The following TENT2 variants were observed in gnomAD, a reference collection of about 807,000 sequenced individuals.
The protein encoded by TENT2 is poly(A) RNA polymerase GLD2.
Under a neutral mutation model 72.2 loss-of-function variants are expected in TENT2, and 44 were observed. That is an observed-to-expected ratio of 0.61 (90% CI 0.48 to 0.78). The LOEUF (loss-of-function observed/expected upper bound fraction) is 0.78. Ranked by LOEUF, TENT2 falls within the 30% of genes least tolerant of loss-of-function variation. The probability of loss-of-function intolerance (pLI) is 0.00; values close to 1 mark genes in which losing one functional copy is unlikely to be tolerated. For synonymous variants in TENT2, 212 were observed against 192.5 expected (o/e 1.10, Z -0.84); for missense variants, 541 against 569.6 (o/e 0.95, Z 0.51).
At chr5:79,662,576 C>G (rs1235764777) in intron 11 of TENT2, among the ~76,000 whole-genome samples, 1 of 152,158 alleles carries the variant, frequency 6.6e-6, no homozygotes, top group Non-Finnish European at 1.5e-5. Flanking sequence ...TCTCTTTGTA[C>G]ATCTCCATCA....
intron 14 of TENT2, among the ~76,000 whole-genome samples, chr5:79,683,371 G>T (rs977424148): frequency 6.6e-6 from 1 of 151,844 alleles, no homozygotes; most frequent in Non-Finnish European, 1.5e-5. Context: ...ACCCCTGGGT[G>T]TAGTGGTATG....
intron 6 of TENT2, among the ~76,000 whole-genome samples, chr5:79,642,464 A>G (rs1314260174): frequency 6.6e-6 from 1 of 152,114 alleles, no homozygotes; most frequent in African/African-American, 2.4e-5. Context: ...CATAGATATG[A>G]AACTATCCTT....
At chr5:79,659,048 A>G (rs1800032379) in intron 11 of TENT2, among the ~76,000 whole-genome samples, 3 of 152,144 alleles carry the variant, frequency 2.0e-5, no homozygotes, top group Admixed American at 2.0e-4. Flanking sequence ...TTGCATTTAC[A>G]TATGGTTACA....
chr5:79,667,528 T>G (rs533653631), intron 11 of TENT2, among the ~76,000 whole-genome samples: 1 of 152,172 alleles, frequency 6.6e-6, no homozygotes, highest in Non-Finnish European at 1.5e-5. Context: ...TTAAAATTTC[T>G]ACTTGAATCT....
intron 4 of TENT2, among the ~76,000 whole-genome samples, chr5:79,633,760 G>A (rs1192955456): frequency 6.7e-6 from 1 of 150,302 alleles, no homozygotes; most frequent in Non-Finnish European, 1.5e-5. Context: ...TTACTCAAGG[G>A]CCCAGCTATC....
chr5:79,646,769 C>CTT (rs148646986), intron 8 of TENT2, among the ~76,000 whole-genome samples: 4 of 137,484 alleles, frequency 2.9e-5, no homozygotes, highest in Admixed American at 7.3e-5. Context: ...TGTTCCTAAG[C>CTT]TTTTTTTTTT....
intron 4 of TENT2, among the ~76,000 whole-genome samples, chr5:79,626,088 A>G (rs980584792): frequency 4.0e-5 from 6 of 151,834 alleles, no homozygotes; most frequent in Admixed American, 3.3e-4. Context: ...TGGCTTTTCA[A>G]AGTGCTGGGA....
chr5:79,633,426 TAA>T (rs900919939), intron 4 of TENT2, among the ~76,000 whole-genome samples: 27 of 140,038 alleles, frequency 1.9e-4, no homozygotes, highest in Non-Finnish European at 6.2e-5. Flanking sequence ...TATTTCCAGC[TAA>T]AAAGTTTTTT....
At chr5:79,662,906 G>A (rs1036563869) in intron 11 of TENT2, among the ~76,000 whole-genome samples, 4 of 152,128 alleles carry the variant, frequency 2.6e-5, no homozygotes, top group African/African-American at 4.8e-5. Flanking sequence ...TAGCATCTTC[G>A]AATAGAAGCC....
At chr5:79,651,953 C>T (rs1005909747) in intron 10 of TENT2, among the ~76,000 whole-genome samples, 1 of 152,034 alleles carries the variant, frequency 6.6e-6, no homozygotes, top group African/African-American at 2.4e-5. Flanking sequence ...TTCACTTGAA[C>T]ATGTATTACA....
intron 13 of TENT2, among the ~76,000 whole-genome samples, chr5:79,680,188 A>G (rs557359963): frequency 1.3e-4 from 20 of 152,220 alleles, no homozygotes; most frequent in Non-Finnish European, 2.5e-4. Flanking sequence ...ATTCTCATAG[A>G]TGCTAAATTG....
intron 4 of TENT2, among the ~76,000 whole-genome samples, chr5:79,632,809 T>C (rs1197636206): frequency 2.0e-5 from 3 of 152,182 alleles, no homozygotes; most frequent in African/African-American, 7.2e-5. Context: ...CACTGAGATA[T>C]AAATTTACAT....
chr5:79,629,654 C>T (rs1465417467), intron 4 of TENT2, among the ~76,000 whole-genome samples: 1 of 151,016 alleles, frequency 6.6e-6, no homozygotes, highest in Non-Finnish European at 1.5e-5. Flanking sequence ...CGTGAAACCC[C>T]GTCTTTACTA....
chr5:79,621,554 C>G (rs1764808003), intron 3 of TENT2, among the ~76,000 whole-genome samples: 1 of 151,806 alleles, frequency 6.6e-6, no homozygotes, highest in East Asian at 2.0e-4. Flanking sequence ...GTCAGGAGAT[C>G]GAGACCATCC....
chr5:79,678,844 C>G (rs1434822106), intron 12 of TENT2, among the ~76,000 whole-genome samples: 1 of 152,186 alleles, frequency 6.6e-6, no homozygotes, highest in Non-Finnish European at 1.5e-5. Flanking sequence ...CAGATTGTTA[C>G]TGCGTTGTTA....
At chr5:79,621,198 G>T (rs150141368) in intron 3 of TENT2, among the ~76,000 whole-genome samples, 3 of 151,880 alleles carry the variant, frequency 2.0e-5, no homozygotes, top group East Asian at 1.9e-4. Flanking sequence ...ATTAAATCAC[G>T]TAACACTGAG....
chr5:79,648,554 A>G, intron 8 of TENT2, 63 bp from the exon 9 acceptor site: 2 of 1,137,448 alleles, frequency 1.8e-6, no homozygotes, highest in East Asian at 5.2e-5. Flanking sequence ...TTTAGTTATT[A>G]GGAAGGAAGT....
intron 12 of TENT2, among the ~76,000 whole-genome samples, chr5:79,679,177 T>A (rs1423594764): frequency 6.6e-6 from 1 of 152,126 alleles, no homozygotes; most frequent in African/African-American, 2.4e-5. Flanking sequence ...GTGCTGAGAT[T>A]ACAGGAGTGA....
intron 11 of TENT2, among the ~76,000 whole-genome samples, chr5:79,659,664 A>G (rs946534640): frequency 2.0e-5 from 3 of 147,310 alleles, no homozygotes; most frequent in Non-Finnish European, 3.0e-5. Context: ...AATTTAAAAA[A>G]TCCTGAACAA....
Sources: allele counts gnomAD v4.1 joint callset (sites outside exome capture counted in the v4.1 genomes callset), GRCh38; gene constraint gnomAD v4.1.1; transcripts MANE v1.5; gene names NCBI Gene and HGNC (gene_info 2026-07-23, HGNC 2026-07-21).